Variants in MICAL3 observed in about 807,000 individuals in gnomAD.
MICAL3 encodes [F-actin]-monooxygenase MICAL3.
In MICAL3, 62 loss-of-function variants were observed where a neutral mutation model predicts 207.4. The ratio of observed to expected loss-of-function variants is 0.30; its 90% confidence interval spans 0.24 to 0.37. The LOEUF (loss-of-function observed/expected upper bound fraction) is 0.37, where lower values mean the gene tolerates loss of function less well. MICAL3 is among the 10% of genes least tolerant of loss of function. The probability of loss-of-function intolerance (pLI) is 1.00; values close to 1 mark genes in which losing one functional copy is unlikely to be tolerated. For missense variants in MICAL3, 2,368 were observed against 2,635.6 expected, an observed-to-expected ratio of 0.90 and a Z score of 2.22; for synonymous variants, 1,077 against 1,069.3, an observed-to-expected ratio of 1.01 and a Z score of -0.14.
chr22:17,909,457 G>A (rs914945687), intron 1 of MICAL3, among the ~76,000 whole-genome samples: 25 of 152,178 alleles, frequency 1.6e-4, no homozygotes, highest in East Asian at 7.7e-4. Context: ...TTCGGGAGGC[G>A]GAGCTTGCAG....
chr22:17,977,132 G>A (rs1292696598), intron 1 of MICAL3, among the ~76,000 whole-genome samples: 1 of 152,122 alleles, frequency 6.6e-6, no homozygotes, highest in Admixed American at 6.5e-5. Context: ...ACATCTGAAA[G>A]CACAGAAAAC....
intron 29 of MICAL3, among the ~76,000 whole-genome samples, chr22:17,792,784 C>T (rs1384664645): frequency 1.3e-5 from 2 of 152,352 alleles, no homozygotes; most frequent in Middle Eastern, 3.4e-3. Flanking sequence ...CGGAAACCCC[C>T]CAGCCTGTCC....
chr22:17,916,308 T>C (rs1282772857), intron 1 of MICAL3, among the ~76,000 whole-genome samples: 1 of 152,082 alleles, frequency 6.6e-6, no homozygotes, highest in Non-Finnish European at 1.5e-5. Flanking sequence ...CCGTTCTTAC[T>C]CAAGCATGCT....
intron 20 of MICAL3, among the ~76,000 whole-genome samples, chr22:17,836,277 C>T (rs941175827): frequency 5.3e-5 from 8 of 152,218 alleles, no homozygotes; most frequent in Admixed American, 3.3e-4. Context: ...GCCCTGACCG[C>T]GTGCCCGCAG....
intron 1 of MICAL3, chr22:18,020,271 T>G (rs1372729550): frequency 6.6e-6 from 1 of 152,364 alleles, no homozygotes; most frequent in East Asian, 1.9e-4. Context: ...CATCATCCTT[T>G]AAGATAAACT....
chr22:17,807,907 C>T (rs2062004371), intron 29 of MICAL3, among the ~76,000 whole-genome samples: 1 of 152,268 alleles, frequency 6.6e-6, no homozygotes, highest in Non-Finnish European at 1.5e-5. Context: ...TCCTTTTCTT[C>T]ATCCCCAGCT....
chr22:17,999,771 T>C (rs1448019366), intron 1 of MICAL3, among the ~76,000 whole-genome samples: 1 of 152,228 alleles, frequency 6.6e-6, no homozygotes, highest in Non-Finnish European at 1.5e-5. Context: ...AGTTCTAAAG[T>C]ATCCTTTACA....
chr22:17,840,421 C>T (rs1191133444), intron 20 of MICAL3: 1 of 152,138 alleles, frequency 6.6e-6, no homozygotes, highest in African/African-American at 2.4e-5. Flanking sequence ...CTTTTTTTAA[C>T]TTCAATCTGA....
At chr22:18,007,730 G>A (rs1923479561) in intron 1 of MICAL3, among the ~76,000 whole-genome samples, 1 of 151,734 alleles carries the variant, frequency 6.6e-6, no homozygotes, top group Non-Finnish European at 1.5e-5. Context: ...GAGGCGGGTG[G>A]ATCATGAGGT....
At chr22:17,866,068 G>A (rs759024166) in intron 17 of MICAL3, 56 bp from the exon 18 acceptor site, 39 of 1,334,890 alleles carry the variant, frequency 2.9e-5, no homozygotes, top group African/African-American at 1.2e-4. Context: ...GATCCTGAAC[G>A]TGCCTCCCTG....
intron 1 of MICAL3, among the ~76,000 whole-genome samples, chr22:17,964,198 C>A (rs1404310499): frequency 2.6e-5 from 4 of 152,036 alleles, no homozygotes; most frequent in Non-Finnish European, 4.4e-5. Flanking sequence ...CCAATCAAGA[C>A]CCAAAAAATC....
At chr22:18,018,432 T>C (rs1482375745) in intron 1 of MICAL3, among the ~76,000 whole-genome samples, 2 of 152,142 alleles carry the variant, frequency 1.3e-5, no homozygotes, top group Non-Finnish European at 2.9e-5. Flanking sequence ...AACAAAAATA[T>C]ACATATACAG....
intron 19 of MICAL3, chr22:17,860,292 A>T (rs1183269438): frequency 1.0e-6 from 1 of 985,380 alleles, no homozygotes; most frequent in Non-Finnish European, 1.2e-6. Flanking sequence ...TCACAAAGAA[A>T]CACACCAAGA....
Position 17,841,758 on chromosome 22 carries a change from A to G in MICAL3, c.2801+64T>C. The G allele has an allele frequency of 6.7e-7, 1 of 1,495,538 alleles. No individual in the cohort carries two copies. Among genetic ancestry groups the G allele is most frequent in the African/African-American group, 1.4e-5 (1 of 72,118 alleles). The allele number at this position is 1,495,538 out of a possible 1,614,324, so 92.6% of individuals were successfully genotyped here. ...CTTCACTGAGAAGAAACCGAGACAC[A>G]CAGAGGTGAGGAGGCTCTTAGGGCC... On this transcript the variant is annotated intron_variant, in intron 20 of 31. Coordinates refer to ENST00000441493, the MANE Select transcript of MICAL3 (RefSeq NM_015241.3). This position sits in a 1 kb window ranked among gnomAD's most constrained non-coding sequence, Gnocchi z 4.2.
intron 22 of MICAL3, among the ~76,000 whole-genome samples, chr22:17,825,059 C>A (rs376051708): frequency 2.1e-4 from 32 of 152,260 alleles, no homozygotes; most frequent in African/African-American, 7.5e-4. Context: ...GAACTGGAGG[C>A]CAGCACCAAG....
At chr22:17,927,514 C>T (rs543645271) in intron 1 of MICAL3, among the ~76,000 whole-genome samples, 32 of 152,320 alleles carry the variant, frequency 2.1e-4, no homozygotes, top group African/African-American at 7.2e-4. Context: ...CACCATTTCT[C>T]TACCAGGCTA....
At chr22:17,936,315 T>G (rs1481728794) in intron 1 of MICAL3, among the ~76,000 whole-genome samples, 1 of 152,074 alleles carries the variant, frequency 6.6e-6, no homozygotes, top group South Asian at 2.1e-4. Context: ...CTCAGCAAAC[T>G]ATCACAAGTA....
At chr22:17,990,753 C>T (rs868427456) in intron 1 of MICAL3, among the ~76,000 whole-genome samples, 56 of 152,242 alleles carry the variant, frequency 3.7e-4, no homozygotes, top group African/African-American at 1.2e-3. Context: ...GGGCCTCATA[C>T]GGGTAACTCT....
intron 1 of MICAL3, among the ~76,000 whole-genome samples, chr22:17,978,459 G>C (rs1181593066): frequency 6.6e-6 from 1 of 151,994 alleles, no homozygotes; most frequent in Non-Finnish European, 1.5e-5. Flanking sequence ...TTCTATAATT[G>C]AATGATTGTA....
Sources: allele counts gnomAD v4.1 joint callset (sites outside exome capture counted in the v4.1 genomes callset), GRCh38; gene constraint gnomAD v4.1.1; non-coding constraint Gnocchi (gnomAD v3.1); transcripts MANE v1.5; gene names NCBI Gene and HGNC (gene_info 2026-07-23, HGNC 2026-07-21).